SGCD: variants seen among roughly 807,000 people sequenced by gnomAD.
The protein encoded by SGCD is sarcoglycan delta, also known as delta-sarcoglycan.
SGCD carries 18 observed loss-of-function variants against 36.6 expected under a neutral mutation model. That is an observed-to-expected ratio of 0.49 (90% CI 0.34 to 0.73). The LOEUF (loss-of-function observed/expected upper bound fraction) is 0.73, where lower values mean the gene tolerates loss of function less well. Among genes scored for constraint, SGCD ranks in the 30% least tolerant of loss-of-function variants. The pLI is 0.01. For missense variants in SGCD, 387 were observed against 346.7 expected, an observed-to-expected ratio of 1.12 and a Z score of -0.92; for synonymous variants, 133 against 130.6, an observed-to-expected ratio of 1.02 and a Z score of -0.12.
intron 1 of SGCD, among the ~76,000 whole-genome samples, chr5:156,031,462 T>C (rs1469724407): frequency 6.6e-6 from 1 of 152,070 alleles, no homozygotes; most frequent in Non-Finnish European, 1.5e-5. Context: ...TCTCATCGAA[T>C]GTAAAGGCTG....
intron 3 of SGCD, among the ~76,000 whole-genome samples, chr5:156,251,114 A>G (rs1765565440): frequency 6.6e-6 from 1 of 152,210 alleles, no homozygotes; most frequent in East Asian, 1.9e-4. Flanking sequence ...GCAAACTATT[A>G]AAGGATCTGT....
chr5:156,379,750 G>A (rs546838237), intron 3 of SGCD, among the ~76,000 whole-genome samples: 1 of 152,260 alleles, frequency 6.6e-6, no homozygotes. Context: ...TGACGGTGAA[G>A]TAGAGAGGGT....
chr5:156,371,578 C>T (rs987391449), intron 3 of SGCD, among the ~76,000 whole-genome samples: 1 of 152,150 alleles, frequency 6.6e-6, no homozygotes, highest in South Asian at 2.1e-4. Context: ...ATTGTTCCAT[C>T]AGAGAGGTGA....
chr5:156,279,527 G>T (rs1369622888), intron 3 of SGCD, among the ~76,000 whole-genome samples: 1 of 152,058 alleles, frequency 6.6e-6, no homozygotes, highest in Non-Finnish European at 1.5e-5. Context: ...TACATGAATA[G>T]ACAGTTCAAA....
At chr5:156,700,783 A>G (rs1346766584) in intron 7 of SGCD, among the ~76,000 whole-genome samples, 1 of 152,036 alleles carries the variant, frequency 6.6e-6, no homozygotes, top group African/African-American at 2.4e-5. Flanking sequence ...ATCTCTACAA[A>G]AAATAGAAAA....
At chr5:156,393,355 G>A (rs565823724) in intron 3 of SGCD, among the ~76,000 whole-genome samples, 2 of 152,304 alleles carry the variant, frequency 1.3e-5, no homozygotes, top group South Asian at 2.1e-4. Flanking sequence ...GCTCATGAGA[G>A]CCAATTGTTA....
At chr5:156,058,511 G>T (rs545844976) in intron 1 of SGCD, among the ~76,000 whole-genome samples, 1 of 145,918 alleles carries the variant, frequency 6.9e-6, no homozygotes, top group Admixed American at 6.9e-5. Flanking sequence ...CGGGCTTCCA[G>T]GAATGCTGCT....
chr5:156,365,435 A>C (rs563565370), intron 3 of SGCD, among the ~76,000 whole-genome samples: 2 of 152,194 alleles, frequency 1.3e-5, no homozygotes, highest in Non-Finnish European at 1.5e-5. Flanking sequence ...TCCTCCCCTC[A>C]CCAGGAGTTC....
At chr5:156,097,645 T>G (rs553383912) in intron 1 of SGCD, among the ~76,000 whole-genome samples, 59 of 152,330 alleles carry the variant, frequency 3.9e-4, no homozygotes, top group African/African-American at 1.3e-3. Context: ...AATTAGTTGT[T>G]GAGACATTTC....
chr5:156,316,268 A>G (rs941831784), intron 3 of SGCD, among the ~76,000 whole-genome samples: 4 of 151,978 alleles, frequency 2.6e-5, no homozygotes, highest in Non-Finnish European at 5.9e-5. Context: ...TGCAATATCT[A>G]TACACTGAAA....
Position 156,387,749 on chromosome 5 carries a change from GA to G in SGCD, c.192+43077del, listed in dbSNP as rs568467848. Among the ~76,000 whole-genome samples, 11 of 152,192 alleles carry G rather than the reference GA, an allele frequency of 7.2e-5. No individual in the cohort carries two copies. In the South Asian group the frequency reaches 2.3e-3, roughly 32 times the overall value. On this transcript the variant is annotated intron_variant, in intron 3 of 8. Transcript: ENST00000337851. The stretch of plus-strand genomic sequence containing the variant: ...AAAGAGGGCCCAAAAACAACTTCAA[GA>G]AAAATATCCTTATTTAGGGGAATGT...
At chr5:156,526,134 C>T (rs1002703098) in intron 4 of SGCD, among the ~76,000 whole-genome samples, 1 of 152,036 alleles carries the variant, frequency 6.6e-6, no homozygotes, top group Non-Finnish European at 1.5e-5. Context: ...CAGCCATTCT[C>T]TACTCTGAGT....
At chr5:155,808,147 C>T in the SGCD span, among the ~76,000 whole-genome samples, 2 of 152,326 alleles carry the variant, frequency 1.3e-5, no homozygotes, top group East Asian at 1.9e-4. Context: ...AGTCAGGCCA[C>T]GTACCTTGTG....
chr5:156,093,649 T>C (rs1047627268), intron 1 of SGCD, among the ~76,000 whole-genome samples: 1 of 152,144 alleles, frequency 6.6e-6, no homozygotes, highest in Non-Finnish European at 1.5e-5. Flanking sequence ...CAATTTGGGT[T>C]TGTGCGTGGA....
chr5:156,477,901 GA>G (rs1260895149), intron 3 of SGCD, among the ~76,000 whole-genome samples: 5 of 151,992 alleles, frequency 3.3e-5, no homozygotes, highest in Admixed American at 2.0e-4. Context: ...TAACAGTAGA[GA>G]AAAAATAATA....
At chr5:156,246,351 A>G (rs1339827732) in intron 3 of SGCD, among the ~76,000 whole-genome samples, 4 of 152,166 alleles carry the variant, frequency 2.6e-5, no homozygotes, top group Non-Finnish European at 4.4e-5. Context: ...ACTGATGTGT[A>G]AGAGAGAAAA....
upstream of SGCD, among the ~76,000 whole-genome samples, chr5:156,324,978 A>G (rs900418930): frequency 2.0e-5 from 3 of 152,140 alleles, no homozygotes; most frequent in African/African-American, 4.8e-5. Context: ...AAACATGAAC[A>G]TTGTAATTGT....
intron 1 of SGCD, among the ~76,000 whole-genome samples, chr5:156,096,938 C>T (rs1761391796): frequency 6.6e-6 from 1 of 152,062 alleles, no homozygotes; most frequent in South Asian, 2.1e-4. Context: ...ATTTTTATTT[C>T]CCTTTCCTTC....
intron 3 of SGCD, among the ~76,000 whole-genome samples, chr5:156,218,297 CTTTCA>C (rs1764627691): frequency 6.6e-6 from 1 of 151,906 alleles, no homozygotes; most frequent in East Asian, 1.9e-4. Context: ...TTGATGTTGT[CTTTCA>C]AACAACATGA....
Sources: gnomAD v4.1 joint callset for allele counts (sites outside exome capture counted in the v4.1 genomes callset) on GRCh38, gnomAD v4.1.1 for gene constraint, MANE v1.5 for transcripts, NCBI Gene and HGNC (gene_info 2026-07-23, HGNC 2026-07-21) for gene names.